The following MAP3K7 variants were observed in gnomAD, a reference collection of about 807,000 sequenced individuals.
The protein encoded by MAP3K7 is TGF-beta activated kinase 1.
In MAP3K7, 21 loss-of-function variants were observed where a neutral mutation model predicts 84.8. That is an observed-to-expected ratio of 0.25 (90% CI 0.18 to 0.36). MAP3K7 has a LOEUF of 0.36. Ranked by LOEUF, MAP3K7 falls within the 10% of genes least tolerant of loss-of-function variation. The probability of loss-of-function intolerance (pLI) is 1.00; values close to 1 mark genes in which losing one functional copy is unlikely to be tolerated. For synonymous variants in MAP3K7, 241 were observed against 247.7 expected, an observed-to-expected ratio of 0.97 and a Z score of 0.25; for missense variants, 503 against 747.7, an observed-to-expected ratio of 0.67 and a Z score of 3.82.
chr6:90,537,517 T>C (rs1358136497), intron 12 of MAP3K7, among the ~76,000 whole-genome samples: 1 of 152,028 alleles, frequency 6.6e-6, no homozygotes, highest in Admixed American at 6.6e-5. Flanking sequence ...GAATGTTTAA[T>C]AGAATAATAT....
At chr6:90,571,583 G>A (rs1479370217) in intron 2 of MAP3K7, 114 bp downstream of exon 2, 1 of 521,668 alleles carries the variant, frequency 1.9e-6, no homozygotes, top group Non-Finnish European at 3.3e-6. Flanking sequence ...CCGAATTGCT[G>A]ATGTTCATGT....
At chr6:90,559,267 C>T (rs1233513574) in intron 5 of MAP3K7, among the ~76,000 whole-genome samples, 10 of 151,762 alleles carry the variant, frequency 6.6e-5, no homozygotes, top group African/African-American at 2.2e-4. Flanking sequence ...CAAGTTGCAC[C>T]CAGAAGGGAT....
At chr6:90,582,159 T>G (rs1456556246) in intron 1 of MAP3K7, among the ~76,000 whole-genome samples, 1 of 152,176 alleles carries the variant, frequency 6.6e-6, no homozygotes, top group Non-Finnish European at 1.5e-5. Flanking sequence ...TCTGGCCCTT[T>G]ACAGCATTTT....
chr6:90,562,684 G>C (rs1471738374), intron 3 of MAP3K7, among the ~76,000 whole-genome samples: 1 of 152,244 alleles, frequency 6.6e-6, no homozygotes, highest in Admixed American at 6.5e-5. Context: ...AGAAACTTCT[G>C]CAGACTTAAA....
In MAP3K7 at chr6:90,545,875, G is replaced by C. The variant is rs939156495; in HGVS notation, c.1211-1243C>G. On this transcript the variant is annotated intron_variant, in intron 11 of 16. Transcript: ENST00000369329. ...CAATGATGTGTGGATGTTGTTAAGA[G>C]AGGCATCTGGGAATGTTCCTTCAAA... is the stretch of plus-strand genomic sequence containing the variant. 7.2e-5 allele frequency among the ~76,000 whole-genome samples: 11 copies of C among 152,280 alleles called. 1 individual carries two copies. Among genetic ancestry groups the C allele is most frequent in the African/African-American group, 2.4e-4 (10 of 41,560 alleles).
chr6:90,547,028 G>A (rs1167041428), intron 11 of MAP3K7, among the ~76,000 whole-genome samples: 1 of 152,052 alleles, frequency 6.6e-6, no homozygotes, highest in Non-Finnish European at 1.5e-5. Flanking sequence ...CTGTAAATGA[G>A]GAAGGCATAC....
chr6:90,549,160 T>A lies in MAP3K7; in HGVS notation c.950-983A>T, dbSNP rs147981729. Among the ~76,000 whole-genome samples, 22 of 152,124 alleles carry A rather than the reference T, an allele frequency of 1.4e-4. No individual in the cohort carries two copies. The East Asian group carries it at 3.9e-3, about 27-fold the overall frequency. On this transcript the variant is annotated intron_variant, in intron 9 of 16. Coordinates refer to ENST00000369329, the MANE Select transcript of MAP3K7 (RefSeq NM_145331.3). Reference sequence around the variant, plus strand: ...AAAGGTACACCTTTGGCCAGAAGTATGGATAGTTTAGCCAGAGTAACAGAA... The same window carrying A: ...AAAGGTACACCTTTGGCCAGAAGTAAGGATAGTTTAGCCAGAGTAACAGAA...
chr6:90,525,201 TA>T (rs1376283676), intron 13 of MAP3K7, among the ~76,000 whole-genome samples: 1 of 151,662 alleles, frequency 6.6e-6, no homozygotes, highest in African/African-American at 2.4e-5. Flanking sequence ...AGTTAAAGGA[TA>T]AAAAAAGAAA....
intron 11 of MAP3K7, among the ~76,000 whole-genome samples, chr6:90,544,868 T>A (rs1013360410): frequency 1.3e-5 from 2 of 150,514 alleles, no homozygotes; most frequent in Non-Finnish European, 3.0e-5. Context: ...CAGAAAAAAA[T>A]AAAAAGAACA....
intron 3 of MAP3K7, among the ~76,000 whole-genome samples, chr6:90,566,029 A>C (rs1314263968): frequency 6.6e-6 from 1 of 152,132 alleles, no homozygotes; most frequent in Non-Finnish European, 1.5e-5. Context: ...CATGCTAAAA[A>C]CTCTCAATAA....
intron 1 of MAP3K7, among the ~76,000 whole-genome samples, chr6:90,576,419 TCA>T (rs11468988): frequency 0.13 from 17,947 of 136,426 alleles, 1,272 homozygotes; most frequent in East Asian, 0.21. Flanking sequence ...CTAGACTCTG[TCA>T]CACACACACA....
At chr6:90,530,500 T>C (rs1775473379) in intron 13 of MAP3K7, among the ~76,000 whole-genome samples, 1 of 152,210 alleles carries the variant, frequency 6.6e-6, no homozygotes, top group South Asian at 2.1e-4. Context: ...CTTCTGTGCA[T>C]GCTTGTTTGT....
chr6:90,583,887 T>C (rs1189382256), intron 1 of MAP3K7, among the ~76,000 whole-genome samples: 2 of 152,224 alleles, frequency 1.3e-5, no homozygotes, highest in Non-Finnish European at 2.9e-5. Flanking sequence ...CCTAGGCAGA[T>C]TTCTGAGGCT....
intron 2 of MAP3K7, among the ~76,000 whole-genome samples, chr6:90,570,754 CAT>C (rs1776874611): frequency 1.3e-5 from 2 of 152,202 alleles, no homozygotes; most frequent in African/African-American, 2.4e-5. Context: ...ATGTTTAACA[CAT>C]ATGCTATTTC....
intron 1 of MAP3K7, among the ~76,000 whole-genome samples, chr6:90,573,059 T>C (rs1313079892): frequency 6.6e-6 from 1 of 152,144 alleles, no homozygotes; most frequent in African/African-American, 2.4e-5. Context: ...TTTATATACA[T>C]TACCTCATTT....
At chr6:90,561,747 C>T in intron 3 of MAP3K7, 80 bp from the exon 4 acceptor site, 1 of 952,114 alleles carries the variant, frequency 1.1e-6, no homozygotes, top group Non-Finnish European at 1.7e-6. Flanking sequence ...TAATTCACTC[C>T]CCTGATTTTA....
chr6:90,539,553 T>C (rs111938115), intron 12 of MAP3K7, among the ~76,000 whole-genome samples: 50 of 151,990 alleles, frequency 3.3e-4, no homozygotes, highest in African/African-American at 1.2e-3. Context: ...CCTCTTCATA[T>C]TGGTGCTGCA....
intron 1 of MAP3K7, among the ~76,000 whole-genome samples, chr6:90,574,605 C>A (rs955209509): frequency 2.0e-5 from 3 of 152,184 alleles, no homozygotes; most frequent in African/African-American, 7.2e-5. Flanking sequence ...ATCACAGCAA[C>A]TGGTACTTAC....
intron 8 of MAP3K7, chr6:90,550,975 G>C (rs984967423): frequency 1.3e-5 from 2 of 152,540 alleles, no homozygotes; most frequent in African/African-American, 4.8e-5. Context: ...CTACAAACTG[G>C]AGGCATAATA....
Sources: gnomAD v4.1 joint callset for allele counts (sites outside exome capture counted in the v4.1 genomes callset) on GRCh38, gnomAD v4.1.1 for gene constraint, MANE v1.5 for transcripts, NCBI Gene and HGNC (gene_info 2026-07-23, HGNC 2026-07-21) for gene names.